NCAM2: variants seen among roughly 807,000 people sequenced by gnomAD.
NCAM2 encodes the protein N-CAM-2.
A neutral mutation model predicts 98.1 loss-of-function variants in NCAM2; 30 were observed. The observed-to-expected ratio is 0.31, with a 90% confidence interval of 0.23 to 0.41. NCAM2 has a LOEUF of 0.41. Among genes scored for constraint, NCAM2 ranks in the 10% least tolerant of loss-of-function variants. NCAM2 has a pLI of 1.00. For missense variants in NCAM2, 867 were observed against 1,005.8 expected, an observed-to-expected ratio of 0.86 and a Z score of 1.87; for synonymous variants, 368 against 342.4, an observed-to-expected ratio of 1.07 and a Z score of -0.83.
intron 1 of NCAM2, among the ~76,000 whole-genome samples, chr21:21,126,667 G>A (rs987815847): frequency 6.6e-6 from 1 of 151,988 alleles, no homozygotes. Context: ...AATTTCAACA[G>A]AAGCTTCTGT....
At chr21:21,508,126 A>G (rs1395777734) in intron 15 of NCAM2, among the ~76,000 whole-genome samples, 1 of 152,130 alleles carries the variant, frequency 6.6e-6, no homozygotes, top group East Asian at 1.9e-4. Context: ...GATTTCCTGC[A>G]ACCATATGCC....
intron 1 of NCAM2, among the ~76,000 whole-genome samples, chr21:21,137,439 A>G (rs898895195): frequency 7.9e-5 from 12 of 152,160 alleles, no homozygotes; most frequent in Non-Finnish European, 7.4e-5. Context: ...AGACTTCAAT[A>G]TGATTTATAA....
intron 1 of NCAM2, among the ~76,000 whole-genome samples, chr21:21,126,619 G>A (rs968173095): frequency 6.6e-6 from 1 of 151,848 alleles, no homozygotes; most frequent in African/African-American, 2.4e-5. Context: ...TGATATATTT[G>A]TTGAAGCACA....
At chr21:21,488,657 G>T (rs1036783378) in intron 15 of NCAM2, among the ~76,000 whole-genome samples, 1 of 151,888 alleles carries the variant, frequency 6.6e-6, no homozygotes, top group East Asian at 1.9e-4. Context: ...TAACATTTGA[G>T]TTTGTAGTAA....
At chr21:21,069,980 C>G (rs970072869) in intron 1 of NCAM2, among the ~76,000 whole-genome samples, 1 of 152,064 alleles carries the variant, frequency 6.6e-6, no homozygotes, top group Non-Finnish European at 1.5e-5. Flanking sequence ...TTCACATGCA[C>G]TGTGAACACC....
chr21:21,363,963 CA>C (rs925979971), intron 8 of NCAM2, among the ~76,000 whole-genome samples: 1 of 152,008 alleles, frequency 6.6e-6, no homozygotes, highest in African/African-American at 2.4e-5. Flanking sequence ...CTAACAATCA[CA>C]AAAAGCTTGA....
rs558886469 is a variant in NCAM2 at position 21,496,769 on chromosome 21, C to T, written c.2078-12082C>T. Reference sequence around the variant, plus strand: ...AGGCCTTATATTTAAGTTTTTAATCCATCCCGAGTTAAGTTTTGTATATGG... The same window carrying T: ...AGGCCTTATATTTAAGTTTTTAATCTATCCCGAGTTAAGTTTTGTATATGG... On this transcript the variant is annotated intron_variant, in intron 15 of 17. Transcript: ENST00000400546. Among the ~76,000 whole-genome samples the T allele has an allele frequency of 6.6e-4, 101 of 152,056 alleles. 1 individual carries two copies. The highest frequency in any genetic ancestry group is 1.5e-5 in the Non-Finnish European group (1 of 67,968).
chr21:21,295,965 T>G (rs1361626659), intron 5 of NCAM2, among the ~76,000 whole-genome samples: 1 of 151,860 alleles, frequency 6.6e-6, no homozygotes, highest in Non-Finnish European at 1.5e-5. Context: ...ATGACAAATT[T>G]TTGTCACCTT....
At chr21:21,112,898 G>C (rs2066482957) in intron 1 of NCAM2, among the ~76,000 whole-genome samples, 1 of 152,190 alleles carries the variant, frequency 6.6e-6, no homozygotes, top group Non-Finnish European at 1.5e-5. Flanking sequence ...TGGCTTCGTA[G>C]GATTGGTAAG....
intron 9 of NCAM2, among the ~76,000 whole-genome samples, chr21:21,386,174 C>T (rs186909508): frequency 2.0e-4 from 31 of 152,116 alleles, no homozygotes; most frequent in Non-Finnish European, 3.1e-4. Flanking sequence ...AGTGGATGTA[C>T]ATTCTCTATA....
At chr21:21,114,483 AGTTTACAAGGGTCG>A (rs2066513777) in intron 1 of NCAM2, among the ~76,000 whole-genome samples, 1 of 152,296 alleles carries the variant, frequency 6.6e-6, no homozygotes, top group African/African-American at 2.4e-5. Flanking sequence ...TATACTCCTT[AGTTTACAAGGGTCG>A]GTGTTAATGT....
chr21:21,435,998 C>G (rs1358493087), intron 12 of NCAM2, among the ~76,000 whole-genome samples: 1 of 152,126 alleles, frequency 6.6e-6, no homozygotes, highest in Non-Finnish European at 1.5e-5. Flanking sequence ...GGGACCACCC[C>G]TAACGTTGTA....
chr21:20,999,957 T>C (rs1045709874), intron 1 of NCAM2, among the ~76,000 whole-genome samples: 8 of 152,330 alleles, frequency 5.3e-5, no homozygotes, highest in Admixed American at 5.2e-4. Context: ...CAGAAATCAG[T>C]ATGCAAATGT....
intron 16 of NCAM2, among the ~76,000 whole-genome samples, chr21:21,533,386 C>T (rs534046655): frequency 6.6e-6 from 1 of 151,776 alleles, no homozygotes; most frequent in East Asian, 1.9e-4. Context: ...AGTATTTAGT[C>T]GTTTCAAACT....
chr21:21,196,858 C>T lies in NCAM2; in HGVS notation c.56-83720C>T, dbSNP rs556225709. On this transcript the variant is annotated intron_variant, in intron 1 of 17. Coordinates refer to ENST00000400546, the MANE Select transcript of NCAM2 (RefSeq NM_004540.5). ...TGATTGGATCATGGGGGCCGTTTCT[C>T]ATGAATGATTTAACATCGTCCCCTT... Among the ~76,000 whole-genome samples, 6 of 152,276 alleles carry T rather than the reference C, an allele frequency of 3.9e-5. No homozygotes were observed. In the South Asian group the frequency reaches 1.2e-3, roughly 32 times the overall value.
chr21:21,353,305 G>A (rs1336846540), intron 8 of NCAM2, among the ~76,000 whole-genome samples: 1 of 152,178 alleles, frequency 6.6e-6, no homozygotes, highest in Non-Finnish European at 1.5e-5. Flanking sequence ...TTAGTTGTCA[G>A]AGATTGTGCT....
At chr21:21,439,799 A>G (rs1978971678) in intron 12 of NCAM2, among the ~76,000 whole-genome samples, 2 of 152,236 alleles carry the variant, frequency 1.3e-5, no homozygotes, top group African/African-American at 2.4e-5. Flanking sequence ...CCTATGATAC[A>G]CATTGTCAAA....
At chr21:21,471,040 T>G (rs1365139880) in intron 14 of NCAM2, among the ~76,000 whole-genome samples, 1 of 151,906 alleles carries the variant, frequency 6.6e-6, no homozygotes, top group African/African-American at 2.4e-5. Context: ...TTGAGTGACT[T>G]GGTGGGGAGA....
intron 12 of NCAM2, among the ~76,000 whole-genome samples, chr21:21,437,908 C>T (rs1289671703): frequency 7.8e-6 from 1 of 128,326 alleles, no homozygotes. Flanking sequence ...ATTTAAAGCA[C>T]ATATTATATA....
Sources: allele counts gnomAD v4.1 joint callset (sites outside exome capture counted in the v4.1 genomes callset), GRCh38; gene constraint gnomAD v4.1.1; transcripts MANE v1.5; gene names NCBI Gene and HGNC (gene_info 2026-07-23, HGNC 2026-07-21).